The following EYA1 variants were observed in gnomAD, a reference collection of about 807,000 sequenced individuals.
EYA1 encodes the protein EYA transcriptional coactivator and phosphatase 1.
A neutral mutation model predicts 82.0 loss-of-function variants in EYA1; 16 were observed. The ratio of observed to expected loss-of-function variants is 0.20; its 90% CI spans 0.13 to 0.30. The LOEUF (loss-of-function observed/expected upper bound fraction) is 0.30. Ranked by LOEUF, EYA1 falls within the 10% of genes least tolerant of loss-of-function variation. EYA1 has a pLI of 1.00. For synonymous variants in EYA1, 261 were observed against 264.4 expected, an observed-to-expected ratio of 0.99 and a Z score of 0.12; for missense variants, 633 against 730.7, an observed-to-expected ratio of 0.87 and a Z score of 1.54.
chr8:71,435,298 A>C (rs1805926454), intron 2 of EYA1, among the ~76,000 whole-genome samples: 1 of 152,152 alleles, frequency 6.6e-6, no homozygotes, highest in African/African-American at 2.4e-5. Flanking sequence ...GATGATGTTT[A>C]ACCTTTGCTA....
chr8:71,381,232 T>C (rs1411029293), intron 2 of EYA1, among the ~76,000 whole-genome samples: 1 of 152,228 alleles, frequency 6.6e-6, no homozygotes, highest in Non-Finnish European at 1.5e-5. Flanking sequence ...CCTTTACTTA[T>C]GTTGTCCCTG....
intron 2 of EYA1, among the ~76,000 whole-genome samples, chr8:71,509,051 G>GTCTTTAC (rs1812405411): frequency 6.6e-6 from 1 of 151,864 alleles, no homozygotes; most frequent in Non-Finnish European, 1.5e-5. Flanking sequence ...GAGAAACCCC[G>GTCTTTAC]TCTTTACAAA....
At position 71,254,112 on chromosome 8, in the gene EYA1, C is replaced by T. The variant is rs185432022; in HGVS notation, c.1051-9420G>A. ...TTAGTCAACCTCCTTAGAGCTAAAA[C>T]GAAAGAATGTACAGCATAAGTAAAA... On this transcript the variant is annotated intron_variant, in intron 11 of 17. Transcript: ENST00000340726. Among the ~76,000 whole-genome samples, 176 of 151,654 alleles carry T rather than the reference C, an allele frequency of 1.2e-3. No homozygotes were observed. The South Asian group carries it at 0.019, about 17-fold the overall frequency.
At chr8:71,401,426 CT>C (rs1316100667) in intron 2 of EYA1, among the ~76,000 whole-genome samples, 1 of 152,110 alleles carries the variant, frequency 6.6e-6, no homozygotes, top group Non-Finnish European at 1.5e-5. Context: ...CTGCTGTTTA[CT>C]TTGTTAGTTT....
At chr8:71,264,902 A>T (rs905519525) in intron 11 of EYA1, among the ~76,000 whole-genome samples, 7 of 152,180 alleles carry the variant, frequency 4.6e-5, no homozygotes, top group Admixed American at 4.6e-4. Context: ...ATACAATTTA[A>T]TTTTTAAAAC....
At chr8:71,399,516 C>A (rs1228725386) in intron 2 of EYA1, among the ~76,000 whole-genome samples, 5 of 152,086 alleles carry the variant, frequency 3.3e-5, no homozygotes, top group Non-Finnish European at 7.3e-5. Context: ...CAGGCACAGC[C>A]AAATCATGAA....
Position 71,506,929 on chromosome 8 carries a change from T to G in EYA1, c.33+28815A>C, listed in dbSNP as rs559290962. On this transcript the variant is annotated intron_variant, in intron 2 of 18. Transcript: ENST00000643681. ...TACTAGATTATATATAAAGGGCTAA[T>G]CTGAACATATTAAAAGTTCATAAAA... Among the ~76,000 whole-genome samples, 11 of 151,798 alleles carry G rather than the reference T, an allele frequency of 7.2e-5. No homozygotes were observed. In the East Asian group the frequency reaches 2.1e-3, roughly 29 times the overall value.
chr8:71,280,716 G>A lies in EYA1; in HGVS notation c.827-8819C>T, dbSNP rs1008288780. On this transcript the variant is annotated intron_variant, in intron 9 of 17. Transcript: ENST00000340726. ...CATTCAGCTGACTTGCTTTTTTTCC[G>A]ATAAAAGGAGAACAATGTTGGAAAA... Among the ~76,000 whole-genome samples the A allele has an allele frequency of 6.6e-5, 10 of 152,140 alleles. No individual in the cohort carries two copies. In the East Asian group the frequency reaches 9.6e-4, roughly 15 times the overall value.
chr8:71,241,456 C>G (rs1043182525), intron 12 of EYA1, among the ~76,000 whole-genome samples: 4 of 152,026 alleles, frequency 2.6e-5, no homozygotes, highest in Admixed American at 2.6e-4. Context: ...TACTGAAAGC[C>G]CCTCACAGAG....
At chr8:71,390,919 C>T (rs899346823) in intron 2 of EYA1, among the ~76,000 whole-genome samples, 1 of 152,040 alleles carries the variant, frequency 6.6e-6, no homozygotes, top group Non-Finnish European at 1.5e-5. Context: ...TGAGCTAAGA[C>T]AGTGGAATTT....
At chr8:71,491,150 C>A (rs1348153990) in intron 2 of EYA1, among the ~76,000 whole-genome samples, 1 of 152,192 alleles carries the variant, frequency 6.6e-6, no homozygotes, top group Non-Finnish European at 1.5e-5. Context: ...ATCTGCAAGG[C>A]CATATGGCTA....
intron 2 of EYA1, among the ~76,000 whole-genome samples, chr8:71,436,673 G>T (rs779504970): frequency 1.3e-5 from 2 of 152,054 alleles, no homozygotes; most frequent in South Asian, 4.2e-4. Context: ...TTCTAAAAGC[G>T]CCTGATGAGA....
chr8:71,520,295 T>C (rs1324519676), intron 2 of EYA1, among the ~76,000 whole-genome samples: 2 of 152,076 alleles, frequency 1.3e-5, no homozygotes, highest in Non-Finnish European at 2.9e-5. Context: ...AGGCAGTCCC[T>C]GAGCACTGCG....
intron 12 of EYA1, among the ~76,000 whole-genome samples, chr8:71,240,303 A>G (rs1419699840): frequency 6.6e-6 from 1 of 151,058 alleles, no homozygotes; most frequent in Non-Finnish European, 1.5e-5. Flanking sequence ...GGTGAAAACA[A>G]GGGGCAACAA....
intron 6 of EYA1, among the ~76,000 whole-genome samples, chr8:71,320,471 G>T (rs1822414101): frequency 6.6e-6 from 1 of 152,160 alleles, no homozygotes; most frequent in Admixed American, 6.5e-5. Flanking sequence ...TAGTTTGAAA[G>T]TAAATTCCAG....
chr8:71,199,208 G>C lies in EYA1; in HGVS notation c.*132C>G. 4 of 713,376 alleles carry C rather than the reference G, an allele frequency of 5.6e-6. No individual in the cohort carries two copies. The highest frequency in any genetic ancestry group is 2.7e-5 in the East Asian group (1 of 37,094). 44.2% of individuals were successfully genotyped at this position (713,376 alleles called of 1,614,324 possible). A position where few individuals can be genotyped will look rare whatever the true frequency, so the allele number is the denominator to read the frequency against. The stretch of plus-strand genomic sequence containing the variant: ...CATTCACCACAAAGGCAGAGGTCAA[G>C]ACTGACAGCAACTGCGCATCACCAG... On this transcript the variant is annotated 3_prime_UTR_variant, in exon 18 of 18. Transcript: ENST00000340726.
intron 16 of EYA1, among the ~76,000 whole-genome samples, chr8:71,213,362 C>T (rs528282556): frequency 3.9e-5 from 6 of 152,308 alleles, no homozygotes; most frequent in African/African-American, 9.6e-5. Context: ...TGGGCTGCTT[C>T]GGCATTTGTT....
At chr8:71,389,898 G>T (rs535780462) in intron 2 of EYA1, among the ~76,000 whole-genome samples, 1 of 151,904 alleles carries the variant, frequency 6.6e-6, no homozygotes, top group Admixed American at 6.6e-5. Context: ...AGTTAATTGG[G>T]TATATATATA....
At chr8:71,488,168 A>G (rs1454752402) in intron 2 of EYA1, among the ~76,000 whole-genome samples, 2 of 152,152 alleles carry the variant, frequency 1.3e-5, no homozygotes, top group Admixed American at 6.5e-5. Flanking sequence ...TGATACATCA[A>G]TGATATACAT....
Sources: gnomAD v4.1 joint callset for allele counts (sites outside exome capture counted in the v4.1 genomes callset) on GRCh38, gnomAD v4.1.1 for gene constraint, MANE v1.5 for transcripts, NCBI Gene and HGNC (gene_info 2026-07-23, HGNC 2026-07-21) for gene names.